Variants in JAKMIP1 observed in about 807,000 individuals in gnomAD.
JAKMIP1 encodes janus kinase and microtubule-interacting protein 1.
In JAKMIP1, 33 loss-of-function variants were observed where a neutral mutation model predicts 113.0. The ratio of observed to expected loss-of-function variants is 0.29; its 90% CI spans 0.22 to 0.39. JAKMIP1 has a LOEUF of 0.39. JAKMIP1 is among the 10% of genes least tolerant of loss of function. The pLI is 1.00. For synonymous variants in JAKMIP1, 480 were observed against 459.9 expected (o/e 1.04, Z -0.56); for missense variants, 813 against 1,080.5 (o/e 0.75, Z 3.47).
intron 17 of JAKMIP1, among the ~76,000 whole-genome samples, chr4:6,041,075 A>G (rs1370175908): frequency 6.6e-6 from 1 of 152,046 alleles, no homozygotes; most frequent in Non-Finnish European, 1.5e-5. Flanking sequence ...GACTGTCTTC[A>G]TGGTTCCCAG....
At position 6,081,829 on chromosome 4, in the gene JAKMIP1, CAG is replaced by C. The variant is rs1720599588; in HGVS notation, c.955-76_955-75del. 6.3e-7 allele frequency: 1 copy of C among 1,575,240 alleles called. No individual in the cohort carries two copies. The highest frequency in any genetic ancestry group is 1.7e-5 in the Admixed American group (1 of 58,974). ...GCCGAGGTCACAGCACCGAGGTGAG[CAG>C]AGACTCAACCCAGTTAGGACCCCTT... On this transcript the variant is annotated intron_variant, in intron 5 of 20. Coordinates refer to ENST00000409021, the MANE Select transcript of JAKMIP1 (RefSeq NM_001099433.2). The surrounding 1 kb of genome is among the most constrained non-coding windows in gnomAD (Gnocchi z 4.6).
In JAKMIP1 at chr4:6,136,915, G is replaced by A. The variant is rs1375305876; in HGVS notation, c.-147-23918C>T. Among the ~76,000 whole-genome samples the A allele has an allele frequency of 6.6e-6, 1 of 152,130 alleles. No individual in the cohort carries two copies. The highest frequency in any genetic ancestry group is 1.5e-5 in the Non-Finnish European group (1 of 68,028). On this transcript the variant is annotated intron_variant, in intron 1 of 20. Transcript: ENST00000409021. The surrounding 1 kb of genome is among the most constrained non-coding windows in gnomAD (Gnocchi z 5.9). ...TTGCGTTGAAGTTTGGCAAGCGCAT[G>A]GGATTCCACTGACCATGCCATTGTA...
intron 1 of JAKMIP1, among the ~76,000 whole-genome samples, chr4:6,171,365 CCCT>C (rs2109023473): frequency 6.6e-6 from 1 of 151,110 alleles, no homozygotes; most frequent in African/African-American, 2.4e-5. Context: ...TCCACTACCA[CCCT>C]CCTTACCACC....
At position 6,081,545 on chromosome 4, in the gene JAKMIP1, G is replaced by C. The variant is rs985666935; in HGVS notation, c.1101+64C>G. 3 of 1,592,856 alleles carry C rather than the reference G, an allele frequency of 1.9e-6. No homozygotes were observed. The highest frequency in any genetic ancestry group is 2.2e-5 in the East Asian group (1 of 44,698). ...CAGAACATGTGAATCGGGAGGTTCA[G>C]GGCTGAAGAATCCCAGACAGAGAAG... is the stretch of plus-strand genomic sequence containing the variant. On this transcript the variant is annotated intron_variant, in intron 6 of 20. Transcript: ENST00000409021. This position sits in a 1 kb window ranked among gnomAD's most constrained non-coding sequence, Gnocchi z 4.6.
chr4:6,191,771 A>G (rs1204205870), intron 1 of JAKMIP1, among the ~76,000 whole-genome samples: 1 of 152,232 alleles, frequency 6.6e-6, no homozygotes, highest in East Asian at 1.9e-4. Context: ...TAAAAGGTAA[A>G]AAGAAGATGA....
chr4:6,151,995 T>A (rs988922541), intron 1 of JAKMIP1, among the ~76,000 whole-genome samples: 1 of 152,080 alleles, frequency 6.6e-6, no homozygotes, highest in Non-Finnish European at 1.5e-5. Context: ...CTCGCCACTA[T>A]GCCTGATACA....
In JAKMIP1 at chr4:6,081,504, G is replaced by A; in HGVS notation, c.1101+105C>T. On this transcript the variant is annotated intron_variant, in intron 6 of 20. Transcript: ENST00000409021. This position sits in a 1 kb window ranked among gnomAD's most constrained non-coding sequence, Gnocchi z 4.6. ...GTGCCTGGTGCTTTGTGGGGAGGTGGGCAGCAGGTGCGCCCCAGAACATGT... is the reference window on the plus strand; with the variant it reads ...GTGCCTGGTGCTTTGTGGGGAGGTGAGCAGCAGGTGCGCCCCAGAACATGT... 2 of 1,287,254 alleles carry A rather than the reference G, an allele frequency of 1.6e-6. No homozygotes were observed. Among genetic ancestry groups the A allele is most frequent in the South Asian group, 1.4e-5 (1 of 73,254 alleles). The allele number at this position is 1,287,254 out of a possible 1,614,324, so 79.7% of individuals were successfully genotyped here.
At chr4:6,055,986 G>A (rs1183896067) in intron 12 of JAKMIP1, among the ~76,000 whole-genome samples, 2 of 147,456 alleles carry the variant, frequency 1.4e-5, no homozygotes, top group African/African-American at 5.1e-5. Flanking sequence ...GGACAGGCCA[G>A]CCCTCCCCAT....
At chr4:6,128,910 C>T (rs1370443848) in intron 1 of JAKMIP1, among the ~76,000 whole-genome samples, 1 of 152,246 alleles carries the variant, frequency 6.6e-6, no homozygotes, top group Non-Finnish European at 1.5e-5. Flanking sequence ...TGTGGCGGCC[C>T]ACTGCCCAGA....
rs1393582309 is a variant in JAKMIP1, at chr4:6,140,356, T to C, written c.-147-27359A>G. Among the ~76,000 whole-genome samples the C allele has an allele frequency of 1.3e-5, 2 of 150,332 alleles. No individual in the cohort carries two copies. The highest frequency in any genetic ancestry group is 1.3e-4 in the Admixed American group (2 of 15,014). On this transcript the variant is annotated intron_variant, in intron 1 of 20. Transcript: ENST00000409021. This position sits in a 1 kb window ranked among gnomAD's most constrained non-coding sequence, Gnocchi z 9.4. ...CACCTGATGATGGGCCGACCATAAA[T>C]CCCCCCACGTGGCGAGGCTGGCTCA...
intron 1 of JAKMIP1, among the ~76,000 whole-genome samples, chr4:6,175,427 T>C (rs959258021): frequency 1.3e-5 from 2 of 152,220 alleles, no homozygotes; most frequent in African/African-American, 4.8e-5. Context: ...TACAGGTGAA[T>C]GCCATTTTTT....
At chr4:6,111,036 C>G (rs1403837934) in intron 2 of JAKMIP1, among the ~76,000 whole-genome samples, 1 of 152,056 alleles carries the variant, frequency 6.6e-6, no homozygotes, top group Non-Finnish European at 1.5e-5. Flanking sequence ...GGGATGGAGA[C>G]AGGTGCATCT....
chr4:6,103,959 T>C (rs1045038560), intron 3 of JAKMIP1, among the ~76,000 whole-genome samples: 3 of 152,244 alleles, frequency 2.0e-5, no homozygotes, highest in African/African-American at 7.2e-5. Flanking sequence ...TTGATTTTAT[T>C]TCACTGCTTC....
chr4:6,089,764 TC>T lies in JAKMIP1; in HGVS notation c.625-4136del, dbSNP rs1721786099. On this transcript the variant is annotated intron_variant, in intron 3 of 20. Coordinates refer to ENST00000409021, the MANE Select transcript of JAKMIP1 (RefSeq NM_001099433.2). This position sits in a 1 kb window ranked among gnomAD's most constrained non-coding sequence, Gnocchi z 5.3. ...TGAAGCAGAGGCCACTACCTCAACA[TC>T]AATTCTCATTCTTGGTACCTGTAGT... Among the ~76,000 whole-genome samples the T allele has an allele frequency of 1.3e-5, 2 of 152,192 alleles. No homozygotes were observed. The highest frequency in any genetic ancestry group is 2.9e-5 in the Non-Finnish European group (2 of 68,026).
At chr4:6,075,142 C>T (rs1424421471) in intron 8 of JAKMIP1, among the ~76,000 whole-genome samples, 1 of 152,082 alleles carries the variant, frequency 6.6e-6, no homozygotes, top group Non-Finnish European at 1.5e-5. Flanking sequence ...GCACTCCAGC[C>T]TGGTCAACAG....
rs960849174 is a variant in JAKMIP1 at position 6,183,036 on chromosome 4, C to T, written c.-148+17217G>A. On this transcript the variant is annotated intron_variant, in intron 1 of 20. Coordinates refer to ENST00000409021, the MANE Select transcript of JAKMIP1 (RefSeq NM_001099433.2). This position sits in a 1 kb window ranked among gnomAD's most constrained non-coding sequence, Gnocchi z 5.3. ...CAGCCAGTGATGGTCCTGGAGGCTC[C>T]AGGTTCCCAGGTCCCATCTTAGTAA... Among the ~76,000 whole-genome samples, 1 of 152,192 alleles carries T rather than the reference C, an allele frequency of 6.6e-6. No homozygotes were observed.
In JAKMIP1 at chr4:6,042,983, C is replaced by T. The variant is rs79103827; in HGVS notation, c.2029-756G>A. ...CTGGGGTCTGGGCTGGGGGTGAGCA[C>T]GGAGGCAGGTGTCATACGTGGATGT... is the stretch of plus-strand genomic sequence containing the variant. On this transcript the variant is annotated intron_variant, in intron 16 of 20. Transcript: ENST00000409021. The surrounding 1 kb of genome is among the most constrained non-coding windows in gnomAD (Gnocchi z 5.2). Among the ~76,000 whole-genome samples, 342 of 152,046 alleles carry T rather than the reference C, an allele frequency of 2.2e-3. 5 individuals carry two copies. Among genetic ancestry groups the T allele is most frequent in the East Asian group, 0.012 (62 of 5,116 alleles).
At chr4:6,173,705 G>A (rs1032019366) in intron 1 of JAKMIP1, among the ~76,000 whole-genome samples, 7 of 152,126 alleles carry the variant, frequency 4.6e-5, no homozygotes, top group African/African-American at 1.7e-4. Flanking sequence ...TGGGCCATTT[G>A]ACAGTAAGCT....
intron 8 of JAKMIP1, among the ~76,000 whole-genome samples, chr4:6,072,480 C>A (rs1032808608): frequency 6.6e-6 from 1 of 152,294 alleles, no homozygotes; most frequent in East Asian, 1.9e-4. Flanking sequence ...GGAGGAGGGA[C>A]CAGGTGACAG....
Sources: allele counts gnomAD v4.1 joint callset (sites outside exome capture counted in the v4.1 genomes callset), GRCh38; gene constraint gnomAD v4.1.1; non-coding constraint Gnocchi (gnomAD v3.1); transcripts MANE v1.5; gene names NCBI Gene and HGNC (gene_info 2026-07-23, HGNC 2026-07-21).